TENM3: variants seen among roughly 807,000 people sequenced by gnomAD.
TENM3 encodes teneurin-3.
A neutral mutation model predicts 255.1 loss-of-function variants in TENM3; 63 were observed. The observed-to-expected ratio is 0.25, with a 90% CI of 0.20 to 0.30. TENM3 has a LOEUF of 0.30. Among genes scored for constraint, TENM3 ranks in the 10% least tolerant of loss-of-function variants. The probability of loss-of-function intolerance (pLI) is 1.00; values close to 1 mark genes in which losing one functional copy is unlikely to be tolerated. For missense variants in TENM3, 2,929 were observed against 3,461.1 expected (o/e 0.85, Z 3.86); for synonymous variants, 1,306 against 1,322.3 (o/e 0.99, Z 0.27).
chr4:182,005,596 T>A, the TENM3 span, among the ~76,000 whole-genome samples: 4 of 152,228 alleles, frequency 2.6e-5, no homozygotes, highest in Non-Finnish European at 1.5e-5. Context: ...TTTTTTCTAA[T>A]TCTGTGAAGA....
the TENM3 span, among the ~76,000 whole-genome samples, chr4:181,542,772 A>G: frequency 5.9e-5 from 9 of 152,214 alleles, no homozygotes; most frequent in African/African-American, 2.2e-4. Flanking sequence ...TTGATGTCCA[A>G]CTAAAAGTAT....
At chr4:182,646,172 C>A (rs1407745214) in intron 5 of TENM3, among the ~76,000 whole-genome samples, 1 of 152,134 alleles carries the variant, frequency 6.6e-6, no homozygotes, top group Non-Finnish European at 1.5e-5. Flanking sequence ...CTTTTGCCCA[C>A]ATTTCTTTAT....
the TENM3 span, among the ~76,000 whole-genome samples, chr4:181,870,931 T>A: frequency 6.6e-6 from 1 of 152,132 alleles, no homozygotes; most frequent in Non-Finnish European, 1.5e-5. Flanking sequence ...CTGATTATCT[T>A]GAATTAGTTT....
At chr4:181,526,857 A>G in the TENM3 span, among the ~76,000 whole-genome samples, 1 of 152,184 alleles carries the variant, frequency 6.6e-6, no homozygotes, top group Non-Finnish European at 1.5e-5. Context: ...CTCTCTCTCT[A>G]TCAGTCTCTG....
chr4:182,319,971 G>A (rs947265233), intron 1 of TENM3, among the ~76,000 whole-genome samples: 38 of 152,074 alleles, frequency 2.5e-4, no homozygotes, highest in African/African-American at 8.7e-4. Context: ...AAATTAGCCG[G>A]GTGTGGTGGC....
the TENM3 span, among the ~76,000 whole-genome samples, chr4:181,532,923 GT>G: frequency 2.0e-4 from 31 of 152,132 alleles, 1 homozygote; most frequent in Non-Finnish European, 3.4e-4. Flanking sequence ...TCTTAAAATT[GT>G]TTTTAGGTAT....
chr4:181,689,172 C>T, the TENM3 span, among the ~76,000 whole-genome samples: 1 of 152,154 alleles, frequency 6.6e-6, no homozygotes, highest in Non-Finnish European at 1.5e-5. Flanking sequence ...ATGGCCAATA[C>T]CTATATTTAG....
At chr4:181,946,465 C>T in the TENM3 span, among the ~76,000 whole-genome samples, 1 of 152,096 alleles carries the variant, frequency 6.6e-6, no homozygotes, top group African/African-American at 2.4e-5. Context: ...CTCCCAGAGC[C>T]CCTGAAAGTG....
intron 12 of TENM3, among the ~76,000 whole-genome samples, chr4:182,703,079 G>A (rs1021295748): frequency 1.3e-5 from 2 of 152,130 alleles, no homozygotes; most frequent in Non-Finnish European, 2.9e-5. Context: ...CCTGCCTCCT[G>A]AATTATTTTT....
chr4:181,473,621 A>G, the TENM3 span, among the ~76,000 whole-genome samples: 1 of 151,178 alleles, frequency 6.6e-6, no homozygotes, highest in Admixed American at 6.6e-5. Flanking sequence ...AATGAAATGA[A>G]AAAAAAAATC....
At chr4:181,614,777 A>G in the TENM3 span, among the ~76,000 whole-genome samples, 2 of 152,248 alleles carry the variant, frequency 1.3e-5, no homozygotes, top group Non-Finnish European at 2.9e-5. Flanking sequence ...AGATGTCTGC[A>G]TAGCCCAGTA....
rs1317551172 is a variant in TENM3, at chr4:182,600,977, C to T, written c.565C>T (p.His189Tyr). The T allele has an allele frequency of 1.2e-6, 2 of 1,605,770 alleles. No individual in the cohort carries two copies. The highest frequency in any genetic ancestry group is 1.7e-6 in the Non-Finnish European group (2 of 1,177,218). The change falls in exon 4 of 28, where the codon CAT becomes TAT. Residue 189 changes from histidine to tyrosine, a missense_variant. Physicochemically the swap from His to Tyr is moderately conservative, Grantham distance 83 (BLOSUM62 2). Transcript: ENST00000511685. ...QSTLQPLPPS[H>Y]KQHSAQHHPS... is the part of the protein sequence containing the mutation. Reference sequence around the variant, plus strand: ...TACCCTGCAGCCCTTGCCGCCTTCCCATAAGCAGCACTCTGCACAGCATCA... The same window carrying T: ...TACCCTGCAGCCCTTGCCGCCTTCCTATAAGCAGCACTCTGCACAGCATCA...
intron 3 of TENM3, among the ~76,000 whole-genome samples, chr4:182,557,871 A>G (rs368183041): frequency 6.6e-6 from 1 of 152,218 alleles, no homozygotes; most frequent in East Asian, 1.9e-4. Context: ...ATACATGTTT[A>G]CAGTGATTTC....
At chr4:181,562,065 C>T in the TENM3 span, among the ~76,000 whole-genome samples, 25,697 of 152,066 alleles carry the variant, frequency 0.17, 2,593 homozygotes, top group African/African-American at 0.26. Context: ...ATCATTTTTA[C>T]GGATTAAGAG....
the TENM3 span, among the ~76,000 whole-genome samples, chr4:181,509,743 A>G: frequency 6.6e-6 from 1 of 152,292 alleles, no homozygotes; most frequent in East Asian, 1.9e-4. Context: ...AGGGTGAGGG[A>G]TATTTAGAGA....
At chr4:182,238,599 C>T (rs1757035520), upstream of TENM3, among the ~76,000 whole-genome samples, 1 of 152,120 alleles carries the variant, frequency 6.6e-6, no homozygotes, top group Non-Finnish European at 1.5e-5. Flanking sequence ...CTCTTAGGAC[C>T]TGGGGCAGTG....
the TENM3 span, among the ~76,000 whole-genome samples, chr4:181,467,661 G>T: frequency 0.2 from 30,850 of 151,970 alleles, 3,318 homozygotes; most frequent in Middle Eastern, 0.25. Flanking sequence ...TGAGCATAAG[G>T]TGACACTTAC....
the TENM3 span, among the ~76,000 whole-genome samples, chr4:181,809,446 A>G: frequency 2.0e-5 from 3 of 152,214 alleles, no homozygotes; most frequent in African/African-American, 7.2e-5. Flanking sequence ...GGGTGTTTGT[A>G]TAAACAGGTG....
the TENM3 span, among the ~76,000 whole-genome samples, chr4:181,763,843 A>ACTT: frequency 1.3e-5 from 2 of 152,234 alleles, no homozygotes; most frequent in Non-Finnish European, 2.9e-5. Context: ...TAATTTGTGA[A>ACTT]CTTTAACTTA....
Sources: allele counts gnomAD v4.1 joint callset (sites outside exome capture counted in the v4.1 genomes callset), GRCh38; gene constraint gnomAD v4.1.1; transcripts MANE v1.5; gene names NCBI Gene and HGNC (gene_info 2026-07-23, HGNC 2026-07-21).